Variants in FUBP3 observed in about 807,000 individuals in gnomAD.
FUBP3 encodes far upstream element binding protein 3.
Under a neutral mutation model 85.6 loss-of-function variants are expected in FUBP3, and 28 were observed. That is an observed-to-expected ratio of 0.33 (90% CI 0.24 to 0.45). The LOEUF (loss-of-function observed/expected upper bound fraction) is 0.45. Ranked by LOEUF, FUBP3 falls within the 20% of genes least tolerant of loss-of-function variation. The pLI is 1.00. For missense variants in FUBP3, 583 were observed against 755.1 expected, an observed-to-expected ratio of 0.77 and a Z score of 2.67; for synonymous variants, 271 against 271.4, an observed-to-expected ratio of 1.00 and a Z score of 0.01.
chr9:130,626,622 C>T, intron 12 of FUBP3, 117 bp downstream of exon 12: 1 of 1,065,726 alleles, frequency 9.4e-7, no homozygotes, highest in Non-Finnish European at 1.4e-6. Flanking sequence ...CTGGGGCTGC[C>T]CGGTCTGGAG....
At chr9:130,632,636 AG>A (rs1296762797) in intron 16 of FUBP3, among the ~76,000 whole-genome samples, 1 of 152,158 alleles carries the variant, frequency 6.6e-6, no homozygotes, top group Admixed American at 6.5e-5. Context: ...CCACCCCTTG[AG>A]GGGCTGGTTC....
At chr9:130,628,104 G>GCACA (rs71499253) in intron 12 of FUBP3, among the ~76,000 whole-genome samples, 19 of 149,062 alleles carry the variant, frequency 1.3e-4, no homozygotes, top group East Asian at 4.1e-4. Context: ...GCACGCACGC[G>GCACA]CACACACACA....
chr9:130,630,034 C>A (rs1438816629), intron 12 of FUBP3, among the ~76,000 whole-genome samples: 1 of 152,244 alleles, frequency 6.6e-6, no homozygotes, highest in Non-Finnish European at 1.5e-5. Context: ...ACCTCCACCC[C>A]ATCCTTGCAC....
rs537169939 is a variant in FUBP3 at position 130,612,219 on chromosome 9, G to A, written c.225-237G>A. Among the ~76,000 whole-genome samples the A allele has an allele frequency of 3.9e-5, 6 of 152,294 alleles. No homozygotes were observed. In the East Asian group the frequency reaches 1.2e-3, roughly 29 times the overall value. ...GAGGTGATGGTTTCATGAAAACCCT[G>A]AGGTTTCTTCCTCTGACAAAAGGAG... On this transcript the variant is annotated intron_variant, in intron 3 of 18. Coordinates refer to ENST00000319725, the MANE Select transcript of FUBP3 (RefSeq NM_003934.2). The surrounding 1 kb of genome is among the most constrained non-coding windows in gnomAD (Gnocchi z 4.1).
intron 1 of FUBP3, chr9:130,581,736 A>T (rs1349141443): frequency 6.6e-6 from 1 of 152,240 alleles, no homozygotes; most frequent in Non-Finnish European, 1.5e-5. Context: ...ATTTATTTAA[A>T]CGCAAAGCTT....
intron 8 of FUBP3, 146 bp downstream of exon 8, chr9:130,618,041 A>G: frequency 1.8e-6 from 1 of 545,076 alleles, no homozygotes; most frequent in Non-Finnish European, 3.3e-6. Flanking sequence ...TTTGGTGATG[A>G]AAAGAATCTA....
At chr9:130,631,851 G>T in intron 14 of FUBP3, 91 bp from the exon 15 acceptor site, 2 of 993,114 alleles carry the variant, frequency 2.0e-6, no homozygotes, top group African/African-American at 1.6e-5. Context: ...CTTCTGTCCC[G>T]ACTGCCCCCT....
In FUBP3 at chr9:130,579,664, CGGCGGCGGG is replaced by C. The variant is rs1420044480; in HGVS notation, c.-11_-3del. The C allele has an allele frequency of 8.9e-6, 11 of 1,236,088 alleles. No homozygotes were observed. The Admixed American group carries it at 1.3e-4, about 14-fold the overall frequency. The allele number at this position is 1,236,088 out of a possible 1,614,324, so 76.6% of individuals were successfully genotyped here. A position where few individuals can be genotyped will look rare whatever the true frequency, so the allele number is the denominator to read the frequency against. The stretch of plus-strand genomic sequence containing the variant: ...TCGGCGGCGTCGGCGGCGGCGGCGA[CGGCGGCGGG>C]GGCGGTAATGGCGGAGCTGGTGCAG... On this transcript the variant is annotated 5_prime_UTR_variant, in exon 1 of 19. Coordinates refer to ENST00000319725, the MANE Select transcript of FUBP3 (RefSeq NM_003934.2).
chr9:130,606,467 G>A (rs1047766362), intron 2 of FUBP3, among the ~76,000 whole-genome samples: 3 of 152,138 alleles, frequency 2.0e-5, no homozygotes, highest in Non-Finnish European at 1.5e-5. Flanking sequence ...CTGTGCTGTC[G>A]TGAAGGAGGA....
rs767448259 is a variant in FUBP3 at position 130,623,657 on chromosome 9, G to A, written c.921G>A (p.Pro307=). 1.5e-5 allele frequency: 24 copies of A among 1,613,868 alleles called. No homozygotes were observed. The highest frequency in any genetic ancestry group is 4.5e-5 in the East Asian group (2 of 44,894). The change falls in exon 11 of 19, where the codon CCG becomes CCA. Residue 307 remains proline, a synonymous_variant. Transcript: ENST00000319725. ...PERAAQVMGP[P]DRCQHAAHII... ...GAGCTGCCCAGGTCATGGGCCCTCCGGATCGGTGTCAGCATGCAGCGCATA... is the reference window on the plus strand; with the variant it reads ...GAGCTGCCCAGGTCATGGGCCCTCCAGATCGGTGTCAGCATGCAGCGCATA...
chr9:130,630,350 C>CA (rs1225925446), intron 12 of FUBP3, among the ~76,000 whole-genome samples: 2 of 152,248 alleles, frequency 1.3e-5, no homozygotes, highest in African/African-American at 4.8e-5. Context: ...CTGGGCCACT[C>CA]ACGACCTTCA....
chr9:130,594,822 T>C (rs1476137500), intron 1 of FUBP3, among the ~76,000 whole-genome samples: 3 of 151,520 alleles, frequency 2.0e-5, no homozygotes, highest in African/African-American at 7.3e-5. Context: ...GCGAACCCTG[T>C]GAGAAAAGTT....
At chr9:130,589,426 C>T (rs1018766549) in intron 1 of FUBP3, among the ~76,000 whole-genome samples, 4 of 151,386 alleles carry the variant, frequency 2.6e-5, no homozygotes, top group African/African-American at 9.7e-5. Context: ...TCATTGCAAG[C>T]TCCACCTCCT....
rs1829845861 is a variant in FUBP3 at position 130,623,640 on chromosome 9, C to G, written c.904C>G (p.Gln302Glu). The change falls in exon 11 of 19, where the codon CAG becomes GAG. Residue 302 changes from glutamine to glutamate, a missense_variant. Physicochemically the swap from Gln to Glu is conservative, Grantham distance 29. Transcript: ENST00000319725. ...DDGISPERAA[Q>E]VMGPPDRCQH... ...TGGGATTAGTCCAGAAAGAGCTGCC[C>G]AGGTCATGGGCCCTCCGGATCGGTG... 2 of 1,613,790 alleles carry G rather than the reference C, an allele frequency of 1.2e-6. No homozygotes were observed. The highest frequency in any genetic ancestry group is 8.5e-7 in the Non-Finnish European group (1 of 1,179,732).
chr9:130,624,270 T>C (rs1829873869), intron 11 of FUBP3, among the ~76,000 whole-genome samples: 1 of 152,240 alleles, frequency 6.6e-6, no homozygotes, highest in African/African-American at 2.4e-5. Flanking sequence ...TCATGTGACC[T>C]TGGAGCTGCC....
intron 16 of FUBP3, among the ~76,000 whole-genome samples, chr9:130,632,896 C>G (rs1233350650): frequency 6.6e-6 from 1 of 152,270 alleles, no homozygotes; most frequent in Non-Finnish European, 1.5e-5. Context: ...CTGGCATGGC[C>G]TTCACAAAGC....
In FUBP3 at chr9:130,589,683, A is replaced by T. The variant is rs1273753262; in HGVS notation, c.85-5800A>T. On this transcript the variant is annotated intron_variant, in intron 1 of 18. Transcript: ENST00000319725. Reference sequence around the variant, plus strand: ...TATGTATGTATGTGTGTGTATATATATATATATATATATATATATATATTT... The same window carrying T: ...TATGTATGTATGTGTGTGTATATATTTATATATATATATATATATATATTT... Among the ~76,000 whole-genome samples the T allele has an allele frequency of 2.1e-4, 5 of 24,186 alleles. 2 individuals are homozygous for T. The highest frequency in any genetic ancestry group is 1.4e-4 in the Non-Finnish European group (2 of 13,988). The allele number at this position is 24,186 out of a possible 152,430, so 15.9% of individuals were successfully genotyped here. A position where few individuals can be genotyped will look rare whatever the true frequency, so the allele number is the denominator to read the frequency against.
At chr9:130,597,480 G>T (rs80103545) in intron 2 of FUBP3, among the ~76,000 whole-genome samples, 1 of 152,178 alleles carries the variant, frequency 6.6e-6, no homozygotes, top group South Asian at 2.1e-4. Flanking sequence ...AATTCCGGCC[G>T]CTTGGTCTGC....
At chr9:130,597,086 C>T (rs1830910131) in intron 2 of FUBP3, among the ~76,000 whole-genome samples, 1 of 146,190 alleles carries the variant, frequency 6.8e-6, no homozygotes, top group Non-Finnish European at 1.5e-5. Context: ...CATCCTTCTA[C>T]TCTCTATGTC....
Sources: allele counts gnomAD v4.1 joint callset (sites outside exome capture counted in the v4.1 genomes callset), GRCh38; gene constraint gnomAD v4.1.1; non-coding constraint Gnocchi (gnomAD v3.1); transcripts MANE v1.5; gene names NCBI Gene and HGNC (gene_info 2026-07-23, HGNC 2026-07-21).